Variants in TNIK observed in about 807,000 individuals in gnomAD.
TNIK encodes TRAF2 and NCK interacting kinase, also known as TRAF2 and NCK-interacting protein kinase.
Under a neutral mutation model 191.3 loss-of-function variants are expected in TNIK, and 49 were observed. The observed-to-expected ratio is 0.26, with a 90% confidence interval of 0.20 to 0.32. TNIK has a LOEUF of 0.32. Among genes scored for constraint, TNIK ranks in the 10% least tolerant of loss-of-function variants. The pLI is 1.00. For missense variants in TNIK, 1,155 were observed against 1,702.3 expected (o/e 0.68, Z 5.66); for synonymous variants, 594 against 600.9 (o/e 0.99, Z 0.17).
chr3:171,414,991 C>G (rs1722870862), intron 1 of TNIK, among the ~76,000 whole-genome samples: 1 of 152,218 alleles, frequency 6.6e-6, no homozygotes, highest in South Asian at 2.1e-4. Flanking sequence ...CTCTACTGTA[C>G]TTGGACAGTC....
chr3:171,061,135 C>T lies in TNIK; in HGVS notation c.*2746G>A, dbSNP rs1228602442. On this transcript the variant is annotated 3_prime_UTR_variant, in exon 33 of 33. Transcript: ENST00000436636. ...ATGAGCCACAAGGACACCATTCTGA[C>T]GTATTCTGCATGTTCTAGGCCTCCT... Among the ~76,000 whole-genome samples the T allele has an allele frequency of 3.3e-5, 5 of 152,088 alleles. No individual in the cohort carries two copies. The highest frequency in any genetic ancestry group is 6.5e-5 in the Admixed American group (1 of 15,268).
chr3:171,222,609 GA>G (rs1264002939), intron 3 of TNIK, among the ~76,000 whole-genome samples: 1 of 152,124 alleles, frequency 6.6e-6, no homozygotes, highest in African/African-American at 2.4e-5. Context: ...AACCCAAGAT[GA>G]AAAGATTTTT....
chr3:171,323,182 A>G (rs1419042214), intron 2 of TNIK, among the ~76,000 whole-genome samples: 1 of 152,202 alleles, frequency 6.6e-6, no homozygotes, highest in Non-Finnish European at 1.5e-5. Flanking sequence ...GCCCTTATCA[A>G]AAATGTTTGC....
Position 171,188,844 on chromosome 3 carries a change from A to G in TNIK, c.509-12T>C. ...GACTCCAAAGTCCACTATTTAAGAA[A>G]AGACAAGTAAATAAAGTCTGTGATC... On this transcript the variant is annotated splice_polypyrimidine_tract_variant and intron_variant, in intron 6 of 32. Coordinates refer to ENST00000436636, the MANE Select transcript of TNIK (RefSeq NM_015028.4). 1 of 1,612,316 alleles carries G rather than the reference A, an allele frequency of 6.2e-7. No homozygotes were observed. Among genetic ancestry groups the G allele is most frequent in the East Asian group, 2.2e-5 (1 of 44,850 alleles).
chr3:171,213,479 G>A (rs1400609588), intron 3 of TNIK, among the ~76,000 whole-genome samples: 1 of 152,040 alleles, frequency 6.6e-6, no homozygotes, highest in Non-Finnish European at 1.5e-5. Flanking sequence ...TTTACCGCTT[G>A]CCTCCTGGAT....
intron 2 of TNIK, among the ~76,000 whole-genome samples, chr3:171,259,334 T>C (rs1422593793): frequency 3.3e-5 from 5 of 152,262 alleles, no homozygotes; most frequent in Non-Finnish European, 4.4e-5. Flanking sequence ...CCACGGCTGA[T>C]GGGATAAGAC....
intron 31 of TNIK, 68 bp from the exon 32 acceptor site, chr3:171,066,394 A>C: frequency 6.3e-7 from 1 of 1,596,706 alleles, no homozygotes; most frequent in Non-Finnish European, 8.5e-7. Flanking sequence ...GCATCTGTTC[A>C]CATCTTAACC....
chr3:171,428,609 G>GCCCCCA (rs1724951984), intron 1 of TNIK, among the ~76,000 whole-genome samples: 1 of 149,148 alleles, frequency 6.7e-6, no homozygotes, highest in East Asian at 2.0e-4. Context: ...CAAGGGCTCC[G>GCCCCCA]CCCCCACCCC....
chr3:171,068,371 C>T (rs1718734198), intron 30 of TNIK, among the ~76,000 whole-genome samples: 1 of 152,148 alleles, frequency 6.6e-6, no homozygotes, highest in African/African-American at 2.4e-5. Context: ...AAAGCTAATA[C>T]ATGCTAGAGC....
intron 1 of TNIK, among the ~76,000 whole-genome samples, chr3:171,416,063 C>A (rs1271835720): frequency 6.6e-6 from 1 of 151,408 alleles, no homozygotes; most frequent in Non-Finnish European, 1.5e-5. Context: ...ACCAACATTC[C>A]CCTTCTACCC....
rs540621543 is a variant in TNIK, at chr3:171,327,493, A to G, written c.123+42127T>C. On this transcript the variant is annotated intron_variant, in intron 2 of 32. Transcript: ENST00000436636. ...CTATGCCTGGCCGCTAAAACACCCCACAAAGATGGATACGCTCTCTCTTCA... is the reference window on the plus strand; with the variant it reads ...CTATGCCTGGCCGCTAAAACACCCCGCAAAGATGGATACGCTCTCTCTTCA... Among the ~76,000 whole-genome samples, 8 of 152,266 alleles carry G rather than the reference A, an allele frequency of 5.3e-5. No homozygotes were observed. In the South Asian group the frequency reaches 1.7e-3, roughly 32 times the overall value.
intron 1 of TNIK, among the ~76,000 whole-genome samples, chr3:171,407,728 C>G (rs1577820523): frequency 1.3e-5 from 2 of 152,324 alleles, no homozygotes; most frequent in East Asian, 3.9e-4. Flanking sequence ...ACATGCAAGG[C>G]CACCCTAAGT....
intron 2 of TNIK, among the ~76,000 whole-genome samples, chr3:171,339,750 A>G (rs777338743): frequency 1.4e-4 from 21 of 152,204 alleles, no homozygotes; most frequent in Non-Finnish European, 2.8e-4. Flanking sequence ...CCTGATGCCA[A>G]GTGCTACCAG....
At chr3:171,335,403 A>G (rs537771304) in intron 2 of TNIK, among the ~76,000 whole-genome samples, 42 of 152,196 alleles carry the variant, frequency 2.8e-4, no homozygotes, top group Non-Finnish European at 5.1e-4. Context: ...TTAATCCTAA[A>G]AAGTTCTCTC....
chr3:171,407,577 C>T (rs763397655), intron 1 of TNIK, among the ~76,000 whole-genome samples: 1 of 152,176 alleles, frequency 6.6e-6, no homozygotes, highest in Non-Finnish European at 1.5e-5. Context: ...GGAGGGGCCA[C>T]TAAGACAACA....
chr3:171,382,218 C>CTGT (rs1718127005), intron 1 of TNIK, among the ~76,000 whole-genome samples: 1 of 99,146 alleles, frequency 1.0e-5, no homozygotes, highest in East Asian at 3.3e-4. Flanking sequence ...TTGAATACAT[C>CTGT]TTTTTTTTTT....
At chr3:171,169,690 A>T (rs2108762784) in intron 9 of TNIK, among the ~76,000 whole-genome samples, 1 of 152,352 alleles carries the variant, frequency 6.6e-6, no homozygotes, top group Non-Finnish European at 1.5e-5. Flanking sequence ...ATTCCCTGAT[A>T]TTGGCATCTA....
At chr3:171,339,280 C>T (rs1757284014) in intron 2 of TNIK, among the ~76,000 whole-genome samples, 2 of 152,234 alleles carry the variant, frequency 1.3e-5, no homozygotes, top group Admixed American at 1.3e-4. Flanking sequence ...AGGCTCTACT[C>T]TGAGACTTGA....
intron 3 of TNIK, among the ~76,000 whole-genome samples, chr3:171,213,606 GGCACTA>G (rs1741122665): frequency 6.6e-6 from 1 of 152,016 alleles, no homozygotes; most frequent in East Asian, 1.9e-4. Flanking sequence ...AACAACAGAA[GGCACTA>G]TGTAATTAAA....
Sources: allele counts gnomAD v4.1 joint callset (sites outside exome capture counted in the v4.1 genomes callset), GRCh38; gene constraint gnomAD v4.1.1; transcripts MANE v1.5; gene names NCBI Gene and HGNC (gene_info 2026-07-23, HGNC 2026-07-21).